QTMAN: variants seen among roughly 807,000 people sequenced by gnomAD.
QTMAN encodes the protein tRNA-queuosine alpha-mannosyltransferase.
the QTMAN span, among the ~76,000 whole-genome samples, chr2:144,020,405 T>C: frequency 1.3e-5 from 2 of 152,196 alleles, no homozygotes; most frequent in South Asian, 2.1e-4. Flanking sequence ...TCCAGAGGAA[T>C]GTACTGACAG....
the QTMAN span, among the ~76,000 whole-genome samples, chr2:143,994,294 GAAA>G: frequency 6.6e-6 from 1 of 152,050 alleles, no homozygotes; most frequent in Admixed American, 6.5e-5. Flanking sequence ...ATGAATCTAA[GAAA>G]AAATTAGTAG....
the QTMAN span, among the ~76,000 whole-genome samples, chr2:144,250,268 C>T: frequency 2.0e-5 from 3 of 151,988 alleles, no homozygotes; most frequent in Non-Finnish European, 4.4e-5. Flanking sequence ...CTCAGCCTCC[C>T]AAGTAGCTGG....
the QTMAN span, among the ~76,000 whole-genome samples, chr2:144,133,155 T>TATATAAAA: frequency 7.1e-5 from 3 of 42,384 alleles, no homozygotes; most frequent in African/African-American, 4.3e-4. Context: ...ATATATAATA[T>TATATAAAA]AATATAATAT....
At chr2:144,022,914 ATT>A in the QTMAN span, among the ~76,000 whole-genome samples, 446 of 152,228 alleles carry the variant, frequency 2.9e-3, 2 homozygotes, top group African/African-American at 0.01. Flanking sequence ...CACTGAGTTA[ATT>A]TTGATAAATA....
the QTMAN span, among the ~76,000 whole-genome samples, chr2:144,331,973 G>T: frequency 1.3e-5 from 2 of 152,182 alleles, no homozygotes; most frequent in African/African-American, 4.8e-5. Flanking sequence ...CCTGGTGGTC[G>T]GCGAAGCACC....
chr2:144,166,093 C>T, the QTMAN span, among the ~76,000 whole-genome samples: 255 of 152,268 alleles, frequency 1.7e-3, no homozygotes, highest in Non-Finnish European at 2.5e-3. Context: ...CCCAGCTCTA[C>T]AAGCTCATCT....
At chr2:144,291,875 G>A in the QTMAN span, among the ~76,000 whole-genome samples, 29 of 152,156 alleles carry the variant, frequency 1.9e-4, no homozygotes, top group African/African-American at 6.8e-4. Context: ...TGCCTCTACA[G>A]TATTACTTTC....
At chr2:144,194,220 G>A in the QTMAN span, among the ~76,000 whole-genome samples, 124 of 152,166 alleles carry the variant, frequency 8.1e-4, no homozygotes, top group African/African-American at 2.8e-3. Flanking sequence ...AAATACTCCT[G>A]GAAGATTATT....
the QTMAN span, among the ~76,000 whole-genome samples, chr2:144,055,915 G>A: frequency 6.6e-5 from 10 of 152,176 alleles, no homozygotes; most frequent in East Asian, 1.9e-4. Flanking sequence ...ATTGGACTTG[G>A]AACCTAGACC....
At chr2:144,262,437 G>A in the QTMAN span, among the ~76,000 whole-genome samples, 1 of 151,596 alleles carries the variant, frequency 6.6e-6, no homozygotes, top group South Asian at 2.1e-4. Context: ...GGGGGTGATG[G>A]GTCACACCTA....
chr2:144,145,536 C>T, the QTMAN span: 1 of 1,515,184 alleles, frequency 6.6e-7, no homozygotes, highest in Non-Finnish European at 9.0e-7. Flanking sequence ...AAAAAGGTAG[C>T]AAAGGGCCAA....
the QTMAN span, among the ~76,000 whole-genome samples, chr2:144,077,435 C>T: frequency 2.0e-5 from 3 of 152,226 alleles, no homozygotes; most frequent in African/African-American, 7.2e-5. Context: ...TAACAGGCTA[C>T]TAGCCACTTA....
chr2:144,051,863 T>C, the QTMAN span, among the ~76,000 whole-genome samples: 4 of 152,220 alleles, frequency 2.6e-5, no homozygotes, highest in African/African-American at 9.6e-5. Flanking sequence ...GCTACCATGC[T>C]GGTGCTAGAG....
the QTMAN span, among the ~76,000 whole-genome samples, chr2:144,326,519 G>A: frequency 1.3e-5 from 2 of 151,064 alleles, no homozygotes; most frequent in Admixed American, 6.6e-5. Flanking sequence ...CCCGGGAGGT[G>A]GAGCTTGCAG....
the QTMAN span, among the ~76,000 whole-genome samples, chr2:144,146,143 C>G: frequency 6.7e-6 from 1 of 150,024 alleles, no homozygotes. Context: ...TTTATGCAAC[C>G]AACTACTGAA....
the QTMAN span, among the ~76,000 whole-genome samples, chr2:144,182,907 A>ATAT: frequency 9.7e-6 from 1 of 102,844 alleles, no homozygotes; most frequent in East Asian, 2.5e-4. Flanking sequence ...TATATTATAT[A>ATAT]TATATATAAA....
At chr2:144,246,034 T>A in the QTMAN span, among the ~76,000 whole-genome samples, 315 of 152,294 alleles carry the variant, frequency 2.1e-3, no homozygotes, top group Non-Finnish European at 2.5e-3. Context: ...ACTGATCTAC[T>A]GTACTTCCCT....
chr2:144,261,081 G>A, the QTMAN span, among the ~76,000 whole-genome samples: 9 of 152,046 alleles, frequency 5.9e-5, no homozygotes, highest in African/African-American at 1.4e-4. Context: ...TCTACTTCAC[G>A]CTATTCTCCT....
At chr2:144,308,768 A>G in the QTMAN span, among the ~76,000 whole-genome samples, 1 of 152,090 alleles carries the variant, frequency 6.6e-6, no homozygotes, top group Non-Finnish European at 1.5e-5. Flanking sequence ...CAACAACAAC[A>G]ATTTCTTAGA....
Sources: gnomAD v4.1 joint callset for allele counts (sites outside exome capture counted in the v4.1 genomes callset) on GRCh38, gnomAD v4.1.1 for gene constraint, MANE v1.5 for transcripts, NCBI Gene and HGNC (gene_info 2026-07-23, HGNC 2026-07-21) for gene names.